The following BRINP1 variants were observed in gnomAD, a reference collection of about 807,000 sequenced individuals.
BRINP1 encodes BMP/retinoic acid inducible neural specific 1, also known as BMP/retinoic acid-inducible neural-specific protein 1.
BRINP1 carries 17 observed loss-of-function variants against 72.9 expected under a neutral mutation model. The ratio of observed to expected loss-of-function variants is 0.23; its 90% confidence interval spans 0.16 to 0.35. BRINP1 has a LOEUF of 0.35. Among genes scored for constraint, BRINP1 ranks in the 10% least tolerant of loss-of-function variants. The pLI is 1.00. For synonymous variants in BRINP1, 418 were observed against 378.5 expected (o/e 1.10, Z -1.21); for missense variants, 850 against 1,001.6 (o/e 0.85, Z 2.04).
intron 1 of BRINP1, among the ~76,000 whole-genome samples, chr9:119,332,988 T>G (rs1564250616): frequency 6.6e-6 from 1 of 152,258 alleles, no homozygotes; most frequent in South Asian, 2.1e-4. Context: ...CAAAGTAACT[T>G]GTTCAAAGTC....
At chr9:119,218,744 G>A (rs1293528045) in intron 5 of BRINP1, among the ~76,000 whole-genome samples, 1 of 99,810 alleles carries the variant, frequency 1.0e-5, no homozygotes, top group Non-Finnish European at 2.0e-5. Flanking sequence ...TGAAACTCAG[G>A]GATTTTTTTT....
chr9:119,362,046 C>A (rs2119044230), intron 1 of BRINP1, among the ~76,000 whole-genome samples: 1 of 146,422 alleles, frequency 6.8e-6, no homozygotes, highest in African/African-American at 2.5e-5. Context: ...CATGATCCAC[C>A]ACCCCCCCAC....
At chr9:119,247,192 A>G (rs758359045) in intron 3 of BRINP1, among the ~76,000 whole-genome samples, 11 of 152,240 alleles carry the variant, frequency 7.2e-5, no homozygotes, top group Non-Finnish European at 1.2e-4. Context: ...CACTTAATGT[A>G]GAAATGAATT....
At chr9:119,181,087 C>CT (rs1398526745) in intron 7 of BRINP1, among the ~76,000 whole-genome samples, 2 of 152,140 alleles carry the variant, frequency 1.3e-5, no homozygotes, top group African/African-American at 4.8e-5. Flanking sequence ...TGCTTTGGGG[C>CT]ATGAATGTGC....
intron 5 of BRINP1, among the ~76,000 whole-genome samples, chr9:119,230,605 G>C (rs1830139551): frequency 6.6e-6 from 1 of 151,996 alleles, no homozygotes; most frequent in Non-Finnish European, 1.5e-5. Context: ...GGCATGAAGA[G>C]AGTCCGGGTG....
intron 1 of BRINP1, among the ~76,000 whole-genome samples, chr9:119,350,472 G>C (rs1831496016): frequency 1.3e-5 from 2 of 152,116 alleles, no homozygotes; most frequent in Non-Finnish European, 2.9e-5. Context: ...AGCTCATACA[G>C]TTCACATTCC....
intron 2 of BRINP1, among the ~76,000 whole-genome samples, chr9:119,268,182 G>A (rs1442185456): frequency 6.6e-6 from 1 of 152,052 alleles, no homozygotes; most frequent in Non-Finnish European, 1.5e-5. Flanking sequence ...GGTGGTGGTT[G>A]CAGTGAGCCA....
At chr9:119,224,319 C>A (rs1238543289) in intron 5 of BRINP1, among the ~76,000 whole-genome samples, 2 of 152,064 alleles carry the variant, frequency 1.3e-5, no homozygotes, top group Non-Finnish European at 2.9e-5. Flanking sequence ...AGGATTGAAC[C>A]TGAATAGTAT....
intron 1 of BRINP1, among the ~76,000 whole-genome samples, chr9:119,360,490 C>T (rs1169641691): frequency 6.6e-6 from 1 of 151,212 alleles, no homozygotes; most frequent in African/African-American, 2.4e-5. Flanking sequence ...TCACAGCTCT[C>T]TGTTTGCTCT....
chr9:119,225,089 T>G (rs1248244929), intron 5 of BRINP1, among the ~76,000 whole-genome samples: 2 of 152,056 alleles, frequency 1.3e-5, no homozygotes, highest in Non-Finnish European at 2.9e-5. Flanking sequence ...AAATGAATGT[T>G]CATAGCAGCA....
At chr9:119,248,823 C>A in intron 3 of BRINP1, 137 bp downstream of exon 3, 1 of 741,554 alleles carries the variant, frequency 1.3e-6, no homozygotes, top group East Asian at 2.7e-5. Context: ...ATTTGGCTTA[C>A]CTGGCTATAA....
intron 2 of BRINP1, among the ~76,000 whole-genome samples, chr9:119,312,859 G>T (rs894820753): frequency 2.6e-5 from 4 of 152,096 alleles, no homozygotes; most frequent in African/African-American, 9.7e-5. Context: ...ATATCTGATG[G>T]CTATTAGAAT....
At chr9:119,242,712 G>C (rs926371750) in intron 3 of BRINP1, among the ~76,000 whole-genome samples, 1 of 151,916 alleles carries the variant, frequency 6.6e-6, no homozygotes, top group African/African-American at 2.4e-5. Flanking sequence ...ATAAATGAAC[G>C]GTGGATAGCT....
At chr9:119,307,565 T>C (rs745907962) in intron 2 of BRINP1, among the ~76,000 whole-genome samples, 1 of 152,144 alleles carries the variant, frequency 6.6e-6, no homozygotes, top group Non-Finnish European at 1.5e-5. Flanking sequence ...TTTAGACCAA[T>C]AACTCAAAGC....
At position 119,273,462 on chromosome 9, in the gene BRINP1, G is replaced by T. The variant is rs140221851; in HGVS notation, c.219-24312C>A. On this transcript the variant is annotated intron_variant, in intron 2 of 7. Coordinates refer to ENST00000265922, the MANE Select transcript of BRINP1 (RefSeq NM_014618.3). The stretch of plus-strand genomic sequence containing the variant: ...AGGATTCGAGTCAGTAAAGAAAAAG[G>T]ATTAAAAAAATTCTTTGAGTGGGAG... Among the ~76,000 whole-genome samples, 749 of 152,252 alleles carry T rather than the reference G, an allele frequency of 4.9e-3. 5 individuals carry two copies. Among genetic ancestry groups the T allele is most frequent in the Non-Finnish European group, 8.3e-3 (567 of 67,998 alleles).
intron 1 of BRINP1, among the ~76,000 whole-genome samples, chr9:119,352,005 C>T (rs1831512259): frequency 6.6e-6 from 1 of 151,910 alleles, no homozygotes; most frequent in Non-Finnish European, 1.5e-5. Flanking sequence ...ACCATGTTGG[C>T]CAGGCTGGTC....
At chr9:119,285,059 T>C (rs1279254929) in intron 2 of BRINP1, among the ~76,000 whole-genome samples, 2 of 152,086 alleles carry the variant, frequency 1.3e-5, no homozygotes, top group African/African-American at 4.8e-5. Flanking sequence ...AAGCAAAGCT[T>C]AGCTTGTCCC....
At chr9:119,339,103 A>T (rs1227897994) in intron 1 of BRINP1, among the ~76,000 whole-genome samples, 1 of 152,202 alleles carries the variant, frequency 6.6e-6, no homozygotes, top group African/African-American at 2.4e-5. Context: ...TTTCTTCTAG[A>T]CCAAGAGTAG....
At chr9:119,197,036 T>A (rs554510434) in intron 7 of BRINP1, among the ~76,000 whole-genome samples, 2 of 152,314 alleles carry the variant, frequency 1.3e-5, no homozygotes, top group Non-Finnish European at 2.9e-5. Context: ...GAAACATTGG[T>A]TAGCAAGGAA....
Sources: gnomAD v4.1 joint callset for allele counts (sites outside exome capture counted in the v4.1 genomes callset) on GRCh38, gnomAD v4.1.1 for gene constraint, MANE v1.5 for transcripts, NCBI Gene and HGNC (gene_info 2026-07-23, HGNC 2026-07-21) for gene names.